Variants in ANKFN1 observed in about 807,000 individuals in gnomAD.
ANKFN1 encodes ankyrin repeat and fibronectin type III domain containing 1.
A neutral mutation model predicts 108.7 loss-of-function variants in ANKFN1; 74 were observed. The ratio of observed to expected loss-of-function variants is 0.68; its 90% CI spans 0.56 to 0.83. The LOEUF (loss-of-function observed/expected upper bound fraction) is 0.83, where lower values mean the gene tolerates loss of function less well. Among genes scored for constraint, ANKFN1 ranks in the 40% least tolerant of loss-of-function variants. The probability of loss-of-function intolerance (pLI) is 0.00; values close to 1 mark genes in which losing one functional copy is unlikely to be tolerated. For missense variants in ANKFN1, 1,505 were observed against 1,382.3 expected, an observed-to-expected ratio of 1.09 and a Z score of -1.41; for synonymous variants, 547 against 516.2, an observed-to-expected ratio of 1.06 and a Z score of -0.81.
At chr17:56,242,635 C>T (rs1266694592) in intron 3 of ANKFN1, among the ~76,000 whole-genome samples, 1 of 151,994 alleles carries the variant, frequency 6.6e-6, no homozygotes, top group African/African-American at 2.4e-5. Flanking sequence ...TTGTATCATG[C>T]TTTCTAAAAT....
intron 1 of ANKFN1, among the ~76,000 whole-genome samples, chr17:56,171,828 A>T (rs545075299): frequency 6.6e-6 from 1 of 152,200 alleles, no homozygotes; most frequent in Non-Finnish European, 1.5e-5. Flanking sequence ...CTACCCAGAC[A>T]TACCCTGAGG....
chr17:56,296,802 C>T (rs2044524841), intron 3 of ANKFN1, among the ~76,000 whole-genome samples: 1 of 152,226 alleles, frequency 6.6e-6, no homozygotes, highest in Non-Finnish European at 1.5e-5. Context: ...GTGGTTTAGC[C>T]TCTGTGGTCC....
chr17:56,103,716 A>T (rs181239132), intron 4 of ANKFN1, among the ~76,000 whole-genome samples: 1 of 152,334 alleles, frequency 6.6e-6, no homozygotes, highest in Non-Finnish European at 1.5e-5. Context: ...TTGCTCCCAG[A>T]GTTCCCAGTC....
intron 6 of ANKFN1, among the ~76,000 whole-genome samples, chr17:56,356,918 A>C (rs1170681461): frequency 6.6e-6 from 1 of 152,006 alleles, no homozygotes; most frequent in Admixed American, 6.6e-5. Flanking sequence ...ACTACAAAAA[A>C]CTCTGCATTT....
chr17:56,065,384 T>G (rs1905043717), intron 4 of ANKFN1, among the ~76,000 whole-genome samples: 1 of 152,238 alleles, frequency 6.6e-6, no homozygotes, highest in Non-Finnish European at 1.5e-5. Flanking sequence ...ATCATTCATG[T>G]GCTCATAGGA....
intron 11 of ANKFN1, among the ~76,000 whole-genome samples, chr17:56,449,581 TAAC>T (rs1185029090): frequency 1.3e-5 from 2 of 152,162 alleles, no homozygotes; most frequent in African/African-American, 2.4e-5. Context: ...CCAATTATAA[TAAC>T]AACAGTAATA....
intron 2 of ANKFN1, among the ~76,000 whole-genome samples, chr17:56,223,120 G>A (rs62073004): frequency 0.16 from 24,278 of 152,122 alleles, 2,123 homozygotes; most frequent in East Asian, 0.29. Flanking sequence ...TATCTAGCAT[G>A]AGCTTGTTTT....
intron 4 of ANKFN1, among the ~76,000 whole-genome samples, chr17:56,108,743 G>A (rs1905799803): frequency 6.6e-6 from 1 of 152,200 alleles, no homozygotes; most frequent in Non-Finnish European, 1.5e-5. Flanking sequence ...ATTAGCACTA[G>A]GAAGAAGGTT....
intron 14 of ANKFN1, among the ~76,000 whole-genome samples, chr17:56,460,114 A>G (rs541402542): frequency 4.2e-4 from 64 of 152,078 alleles, no homozygotes; most frequent in Admixed American, 2.4e-3. Context: ...CATGACTACA[A>G]TTCTCACACG....
At position 56,511,016 on chromosome 17, in the gene ANKFN1, G is replaced by A; in HGVS notation, c.3188G>A (p.Gly1063Asp). 6.5e-7 allele frequency: 1 copy of A among 1,535,974 alleles called. No homozygotes were observed. The highest frequency in any genetic ancestry group is 8.7e-7 in the Non-Finnish European group (1 of 1,146,890). The change falls in exon 21 of 21, where the codon GGC becomes GAC. Residue 1063 changes from glycine (G) to aspartate (D), a missense_variant. Coordinates refer to ENST00000682825, the MANE Select transcript of ANKFN1 (RefSeq NM_001370326.1). ...RAGPALDDPR[G>D]LTLAHAASLP... ...GGCCCTGCCCTTGATGATCCCAGGG[G>A]CCTAACTCTGGCCCACGCTGCCAGC...
chr17:56,478,923 G>A (rs1187094744), intron 16 of ANKFN1, among the ~76,000 whole-genome samples: 1 of 152,144 alleles, frequency 6.6e-6, no homozygotes, highest in Admixed American at 6.5e-5. Flanking sequence ...GGTTTCTTAA[G>A]TATTGCTTGA....
chr17:56,054,277 T>A (rs557886921), intron 4 of ANKFN1, among the ~76,000 whole-genome samples: 1 of 152,334 alleles, frequency 6.6e-6, no homozygotes, highest in South Asian at 2.1e-4. Flanking sequence ...AACATGTGCA[T>A]GAATTTTTAT....
chr17:56,428,407 A>C (rs566327238), intron 8 of ANKFN1, among the ~76,000 whole-genome samples: 1 of 150,254 alleles, frequency 6.7e-6, no homozygotes, highest in East Asian at 1.9e-4. Context: ...TGTGACATTA[A>C]TTATATGCTA....
chr17:56,291,914 A>G (rs529978277), intron 3 of ANKFN1, among the ~76,000 whole-genome samples: 46 of 152,250 alleles, frequency 3.0e-4, no homozygotes, highest in Non-Finnish European at 6.5e-4. Context: ...TTAGAGAGGA[A>G]GGTACTTAAT....
chr17:56,388,688 A>G (rs1334120711), intron 8 of ANKFN1, among the ~76,000 whole-genome samples: 1 of 152,006 alleles, frequency 6.6e-6, no homozygotes, highest in East Asian at 1.9e-4. Context: ...TACTTTATTT[A>G]CAATCAACAT....
intron 8 of ANKFN1, among the ~76,000 whole-genome samples, chr17:56,432,164 C>T (rs745530801): frequency 3.9e-5 from 6 of 152,194 alleles, no homozygotes. Flanking sequence ...ACATCCATTA[C>T]AGTTTTTTAA....
chr17:56,403,902 G>GT (rs1296246909), intron 8 of ANKFN1, among the ~76,000 whole-genome samples: 2 of 152,182 alleles, frequency 1.3e-5, no homozygotes, highest in East Asian at 3.9e-4. Context: ...GAAAAAGACT[G>GT]TATCTTTCCT....
At chr17:56,056,976 A>G (rs1274312969) in intron 4 of ANKFN1, among the ~76,000 whole-genome samples, 1 of 152,228 alleles carries the variant, frequency 6.6e-6, no homozygotes, top group East Asian at 1.9e-4. Context: ...AAACCCTGCT[A>G]CTGCTTTATC....
intron 8 of ANKFN1, among the ~76,000 whole-genome samples, chr17:56,388,884 CA>C (rs2047350002): frequency 6.6e-6 from 1 of 151,504 alleles, no homozygotes; most frequent in Admixed American, 6.6e-5. Context: ...ATCACAGTAA[CA>C]AAGCGTTTTA....
Sources: gnomAD v4.1 joint callset for allele counts (sites outside exome capture counted in the v4.1 genomes callset) on GRCh38, gnomAD v4.1.1 for gene constraint, MANE v1.5 for transcripts, NCBI Gene and HGNC (gene_info 2026-07-23, HGNC 2026-07-21) for gene names.